Variants in CCSER1 observed in about 807,000 individuals in gnomAD.
CCSER1 encodes the protein serine-rich coiled-coil domain-containing protein 1.
In CCSER1, 41 loss-of-function variants were observed where a neutral mutation model predicts 82.0. The ratio of observed to expected loss-of-function variants is 0.50; its 90% CI spans 0.39 to 0.65. The LOEUF is 0.65. Among genes scored for constraint, CCSER1 ranks in the 30% least tolerant of loss-of-function variants. The pLI is 0.00. For synonymous variants in CCSER1, 414 were observed against 383.9 expected (o/e 1.08, Z -0.92); for missense variants, 1,119 against 1,064.2 (o/e 1.05, Z -0.72).
At chr4:90,549,585 A>G (rs1008497713) in intron 5 of CCSER1, among the ~76,000 whole-genome samples, 4 of 152,188 alleles carry the variant, frequency 2.6e-5, no homozygotes, top group African/African-American at 4.8e-5. Context: ...TGTGTACCAT[A>G]TGCGTATATA....
chr4:91,591,659 T>G (rs749891284), intron 10 of CCSER1, among the ~76,000 whole-genome samples: 15 of 152,154 alleles, frequency 9.9e-5, no homozygotes, highest in Non-Finnish European at 1.8e-4. Flanking sequence ...GTCATTTGTA[T>G]TTCAGAAGTT....
intron 10 of CCSER1, among the ~76,000 whole-genome samples, chr4:91,148,612 C>A (rs1729788373): frequency 6.6e-6 from 1 of 152,074 alleles, no homozygotes; most frequent in South Asian, 2.1e-4. Context: ...TTAGGTATAT[C>A]TCCTGATGCT....
chr4:90,579,073 A>G (rs188938640), intron 5 of CCSER1, among the ~76,000 whole-genome samples: 63 of 152,324 alleles, frequency 4.1e-4, no homozygotes, highest in Admixed American at 3.3e-3. Context: ...GCTACTTAAA[A>G]TGATTTATAT....
At chr4:91,187,254 ACTGGAG>A (rs1379802104) in intron 10 of CCSER1, among the ~76,000 whole-genome samples, 1 of 152,208 alleles carries the variant, frequency 6.6e-6, no homozygotes, top group Non-Finnish European at 1.5e-5. Flanking sequence ...GAAGCTGTAG[ACTGGAG>A]CTGTTCCTAT....
intron 9 of CCSER1, among the ~76,000 whole-genome samples, chr4:91,078,835 T>C (rs1242665717): frequency 6.6e-6 from 1 of 152,200 alleles, no homozygotes; most frequent in Non-Finnish European, 1.5e-5. Context: ...GTATCAGTGA[T>C]TGAAGATCAA....
intron 10 of CCSER1, among the ~76,000 whole-genome samples, chr4:91,534,317 C>G (rs144488427): frequency 1.3e-5 from 2 of 152,086 alleles, no homozygotes; most frequent in Non-Finnish European, 2.9e-5. Flanking sequence ...TCTTTCCGCT[C>G]TCTTCCTTTC....
chr4:90,495,638 A>G (rs1768867708), intron 5 of CCSER1, among the ~76,000 whole-genome samples: 1 of 152,228 alleles, frequency 6.6e-6, no homozygotes, highest in Non-Finnish European at 1.5e-5. Context: ...AATTGCAAGT[A>G]ATTATAATAG....
At chr4:91,005,390 T>TACACACAC (rs10555507) in intron 9 of CCSER1, among the ~76,000 whole-genome samples, 2 of 149,250 alleles carry the variant, frequency 1.3e-5, no homozygotes, top group East Asian at 4.0e-4. Context: ...GAAGTAATTT[T>TACACACAC]ACACACACAC....
chr4:90,549,589 G>C (rs1055529068), intron 5 of CCSER1, among the ~76,000 whole-genome samples: 2 of 152,114 alleles, frequency 1.3e-5, no homozygotes, highest in Admixed American at 1.3e-4. Context: ...TACCATATGC[G>C]TATATAGAAC....
Position 91,082,227 on chromosome 4 carries a change from A to G in CCSER1, c.2173-3723A>G, listed in dbSNP as rs185347350. Among the ~76,000 whole-genome samples the G allele has an allele frequency of 7.6e-3, 1,164 of 152,282 alleles. 12 individuals are homozygous for G. The highest frequency in any genetic ancestry group is 0.026 in the African/African-American group (1,099 of 41,544). The stretch of plus-strand genomic sequence containing the variant: ...GGTACCAAAACAGAGATATAGACCA[A>G]TGGAACAGAAAAGAGCCCTCGGAAA... On this transcript the variant is annotated intron_variant, in intron 9 of 10. Transcript: ENST00000509176.
rs147570171 is a variant in CCSER1, at chr4:91,322,818, G to C, written c.2217+236824G>C. On this transcript the variant is annotated intron_variant, in intron 10 of 10. Transcript: ENST00000509176. ...AGATGAATAAAAGAAAACCCAGGTA[G>C]TGTGATCAAATTGCAAATCTGATTG... Among the ~76,000 whole-genome samples the C allele has an allele frequency of 1.6e-4, 24 of 152,236 alleles. No individual in the cohort carries two copies. In the East Asian group the frequency reaches 4.5e-3, roughly 28 times the overall value.
chr4:91,267,233 C>T (rs1252095888), intron 10 of CCSER1, among the ~76,000 whole-genome samples: 1 of 152,040 alleles, frequency 6.6e-6, no homozygotes, highest in Non-Finnish European at 1.5e-5. Flanking sequence ...TTCTATATGT[C>T]AGGTGTGTGT....
chr4:91,494,396 T>C (rs573296682), intron 10 of CCSER1, among the ~76,000 whole-genome samples: 12 of 151,956 alleles, frequency 7.9e-5, no homozygotes, highest in Admixed American at 7.2e-4. Context: ...ATGAGTATGA[T>C]GTAATACACA....
chr4:90,981,588 C>T (rs1581254984), intron 9 of CCSER1, among the ~76,000 whole-genome samples: 1 of 151,842 alleles, frequency 6.6e-6, no homozygotes. Flanking sequence ...TACTCATGAA[C>T]TCCAAAGACC....
At chr4:90,619,433 G>T (rs1436305667) in intron 5 of CCSER1, among the ~76,000 whole-genome samples, 1 of 151,944 alleles carries the variant, frequency 6.6e-6, no homozygotes, top group African/African-American at 2.4e-5. Flanking sequence ...GGGCTAAGGA[G>T]AAATAATTTT....
chr4:90,502,705 A>G (rs997348756), intron 5 of CCSER1, among the ~76,000 whole-genome samples: 2 of 152,186 alleles, frequency 1.3e-5, no homozygotes, highest in African/African-American at 2.4e-5. Context: ...AAATGCATAA[A>G]AGCATTTGAG....
chr4:91,386,194 A>C (rs887607115), intron 10 of CCSER1, among the ~76,000 whole-genome samples: 7 of 151,832 alleles, frequency 4.6e-5, no homozygotes, highest in African/African-American at 1.2e-4. Context: ...CAAGAGTCCA[A>C]GGTAAGCCTG....
intron 10 of CCSER1, among the ~76,000 whole-genome samples, chr4:91,096,270 G>A (rs1724502624): frequency 6.6e-6 from 1 of 152,110 alleles, no homozygotes; most frequent in African/African-American, 2.4e-5. Flanking sequence ...ACTCTGTGTG[G>A]TCTAGGGGCT....
chr4:90,203,427 A>G (rs1158207324), intron 1 of CCSER1, among the ~76,000 whole-genome samples: 1 of 152,070 alleles, frequency 6.6e-6, no homozygotes, highest in Non-Finnish European at 1.5e-5. Context: ...ATTCCCACTT[A>G]TGAGTGAGAA....
Sources: allele counts gnomAD v4.1 joint callset (sites outside exome capture counted in the v4.1 genomes callset), GRCh38; gene constraint gnomAD v4.1.1; transcripts MANE v1.5; gene names NCBI Gene and HGNC (gene_info 2026-07-23, HGNC 2026-07-21).